Variants in CDKAL1 observed in about 807,000 individuals in gnomAD.
CDKAL1 encodes threonylcarbamoyladenosine tRNA methylthiotransferase.
In CDKAL1, 32 loss-of-function variants were observed where a neutral mutation model predicts 68.2. The ratio of observed to expected loss-of-function variants is 0.47; its 90% confidence interval spans 0.35 to 0.63. CDKAL1 has a LOEUF of 0.63. Ranked by LOEUF, CDKAL1 falls within the 30% of genes least tolerant of loss-of-function variation. The pLI is 0.00. For missense variants in CDKAL1, 606 were observed against 696.7 expected, an observed-to-expected ratio of 0.87 and a Z score of 1.47; for synonymous variants, 234 against 244.3, an observed-to-expected ratio of 0.96 and a Z score of 0.39.
intron 9 of CDKAL1, among the ~76,000 whole-genome samples, chr6:20,881,110 A>G (rs1760791047): frequency 6.6e-6 from 1 of 152,216 alleles, no homozygotes; most frequent in South Asian, 2.1e-4. Context: ...TGATCCCCAA[A>G]CCAACAGCAT....
intron 12 of CDKAL1, among the ~76,000 whole-genome samples, chr6:21,107,728 G>T (rs1267475313): frequency 6.6e-6 from 1 of 152,070 alleles, no homozygotes. Flanking sequence ...CACCATGCTC[G>T]GCCAAAAGAG....
At chr6:20,929,512 A>G (rs1763332031) in intron 9 of CDKAL1, among the ~76,000 whole-genome samples, 1 of 152,190 alleles carries the variant, frequency 6.6e-6, no homozygotes, top group South Asian at 2.1e-4. Flanking sequence ...AAGGAATGAT[A>G]GCAGATTGGA....
intron 13 of CDKAL1, among the ~76,000 whole-genome samples, chr6:21,155,813 A>G (rs1298834672): frequency 6.6e-6 from 1 of 152,194 alleles, no homozygotes; most frequent in Non-Finnish European, 1.5e-5. Flanking sequence ...AGGCCTTCCA[A>G]ATGTGCTCCA....
At chr6:21,148,057 T>A (rs957075464) in intron 13 of CDKAL1, among the ~76,000 whole-genome samples, 27 of 152,226 alleles carry the variant, frequency 1.8e-4, no homozygotes, top group Non-Finnish European at 7.3e-5. Flanking sequence ...GTCAGCCATA[T>A]CTGAGATGAA....
chr6:20,742,176 A>G (rs909083037), intron 6 of CDKAL1, among the ~76,000 whole-genome samples: 2 of 151,772 alleles, frequency 1.3e-5, no homozygotes, highest in African/African-American at 4.8e-5. Flanking sequence ...TCTCTTGTAA[A>G]TTTGTTTATG....
intron 9 of CDKAL1, among the ~76,000 whole-genome samples, chr6:20,897,678 T>C (rs1481188074): frequency 6.6e-6 from 1 of 152,116 alleles, no homozygotes; most frequent in Non-Finnish European, 1.5e-5. Context: ...AAAGTCTTCG[T>C]GTATGTGTAG....
intron 2 of CDKAL1, 101 bp downstream of exon 2, chr6:20,535,495 A>G (rs1436111653): frequency 1.3e-5 from 2 of 152,312 alleles, no homozygotes; most frequent in Non-Finnish European, 2.9e-5. Flanking sequence ...ATTTGCCACT[A>G]TCATGTTATG....
At chr6:20,950,411 A>G (rs1764465038) in intron 9 of CDKAL1, among the ~76,000 whole-genome samples, 1 of 152,194 alleles carries the variant, frequency 6.6e-6, no homozygotes, top group Admixed American at 6.5e-5. Flanking sequence ...GGCGTGAGCC[A>G]CTGCACCCAG....
chr6:20,955,128 T>G (rs962423322), intron 9 of CDKAL1, among the ~76,000 whole-genome samples: 8 of 152,152 alleles, frequency 5.3e-5, no homozygotes, highest in African/African-American at 1.9e-4. Flanking sequence ...GAGGCTTTAG[T>G]CTTGATCAAA....
intron 5 of CDKAL1, among the ~76,000 whole-genome samples, chr6:20,678,771 A>G (rs1770240862): frequency 6.6e-6 from 1 of 151,954 alleles, no homozygotes; most frequent in South Asian, 2.1e-4. Flanking sequence ...ATTATTTTTT[A>G]TTTACTATGT....
At chr6:20,659,891 C>T (rs1420878167) in intron 5 of CDKAL1, among the ~76,000 whole-genome samples, 2 of 152,132 alleles carry the variant, frequency 1.3e-5, no homozygotes, top group Non-Finnish European at 2.9e-5. Flanking sequence ...TTCAATGCCT[C>T]TCTCTCCTAC....
intron 12 of CDKAL1, among the ~76,000 whole-genome samples, chr6:21,079,648 A>G (rs1772269895): frequency 1.3e-5 from 2 of 152,248 alleles, no homozygotes. Context: ...ACATTTTACA[A>G]GGACCCTTGA....
chr6:20,926,923 T>A (rs975581954), intron 9 of CDKAL1, among the ~76,000 whole-genome samples: 1 of 144,364 alleles, frequency 6.9e-6, no homozygotes, highest in Non-Finnish European at 1.5e-5. Context: ...ACATATATAT[T>A]TTTATATATA....
intron 10 of CDKAL1, among the ~76,000 whole-genome samples, chr6:20,971,499 A>G (rs1163503172): frequency 6.6e-6 from 1 of 152,246 alleles, no homozygotes; most frequent in Admixed American, 6.5e-5. Flanking sequence ...CACTAGAAAA[A>G]TATTGATATT....
intron 9 of CDKAL1, among the ~76,000 whole-genome samples, chr6:20,883,339 G>A (rs1760915044): frequency 1.3e-5 from 2 of 152,130 alleles, no homozygotes; most frequent in Admixed American, 1.3e-4. Context: ...CCAGGCAGAT[G>A]CCCCTTCCCC....
intron 10 of CDKAL1, among the ~76,000 whole-genome samples, chr6:20,979,350 C>G (rs201357): frequency 0.096 from 14,633 of 152,086 alleles, 812 homozygotes; most frequent in Middle Eastern, 0.16. Flanking sequence ...ACAAAACACT[C>G]TAAATGAGAA....
intron 9 of CDKAL1, among the ~76,000 whole-genome samples, chr6:20,932,669 A>C (rs1175003158): frequency 6.6e-6 from 1 of 152,156 alleles, no homozygotes; most frequent in Non-Finnish European, 1.5e-5. Context: ...AGAGTCCCCT[A>C]ACACCAAATT....
At chr6:20,548,853 G>A in intron 4 of CDKAL1, 148 bp downstream of exon 4, 1 of 507,876 alleles carries the variant, frequency 2.0e-6, no homozygotes, top group Non-Finnish European at 3.5e-6. Flanking sequence ...AGATAACCAT[G>A]GATGTCATAT....
intron 13 of CDKAL1, among the ~76,000 whole-genome samples, chr6:21,118,157 A>G (rs916151942): frequency 2.6e-5 from 4 of 152,232 alleles, no homozygotes; most frequent in Admixed American, 1.3e-4. Flanking sequence ...TTTTATCATA[A>G]AATATAATTA....
Sources: gnomAD v4.1 joint callset for allele counts (sites outside exome capture counted in the v4.1 genomes callset) on GRCh38, gnomAD v4.1.1 for gene constraint, MANE v1.5 for transcripts, NCBI Gene and HGNC (gene_info 2026-07-23, HGNC 2026-07-21) for gene names.